Variants in SDK1 observed in about 807,000 individuals in gnomAD.
SDK1 encodes sidekick cell adhesion molecule 1.
Under a neutral mutation model 245.5 loss-of-function variants are expected in SDK1, and 157 were observed. The observed-to-expected ratio is 0.64, with a 90% CI of 0.56 to 0.73. The LOEUF (loss-of-function observed/expected upper bound fraction) is 0.73, where lower values mean the gene tolerates loss of function less well. SDK1 is among the 30% of genes least tolerant of loss of function. SDK1 has a pLI of 0.00. For synonymous variants in SDK1, 1,647 were observed against 1,278.5 expected, an observed-to-expected ratio of 1.29 and a Z score of -6.15; for missense variants, 3,583 against 3,002.3, an observed-to-expected ratio of 1.19 and a Z score of -4.52.
rs554553890 is a variant in SDK1 at position 3,741,751 on chromosome 7, G to C, written c.714-79699G>C. ...GGGATGGACGTACTTGATTGTTTCA[G>C]TTTCACTCCTGTGCAAACCAAAGAA... On this transcript the variant is annotated intron_variant, in intron 4 of 44. Coordinates refer to ENST00000404826, the MANE Select transcript of SDK1 (RefSeq NM_152744.4). Among the ~76,000 whole-genome samples the C allele has an allele frequency of 7.2e-5, 11 of 152,140 alleles. No homozygotes were observed. In the East Asian group the frequency reaches 7.8e-4, roughly 11 times the overall value.
Position 4,033,451 on chromosome 7 carries a change from A to T in SDK1, c.2603-15897A>T, listed in dbSNP as rs150563224. On this transcript the variant is annotated intron_variant, in intron 17 of 44. Coordinates refer to ENST00000404826, the MANE Select transcript of SDK1 (RefSeq NM_152744.4). The stretch of plus-strand genomic sequence containing the variant: ...AAAATCTCGAAGCAATAATGAAAAG[A>T]TTGATGAACTGACTATTTAGAAGCT... Among the ~76,000 whole-genome samples the T allele has an allele frequency of 4.5e-3, 688 of 152,314 alleles. 5 individuals are homozygous for T. Among genetic ancestry groups the T allele is most frequent in the Middle Eastern group, 0.014 (4 of 294 alleles).
At position 3,303,979 on chromosome 7, in the gene SDK1, T is replaced by G. The variant is rs73672077; in HGVS notation, c.298+2095T>G. ...GAGCGCCTCCTAAGTACCATATTATTACATTGTAGCTAGGTGAAGCTATGA... is the reference window on the plus strand; with the variant it reads ...GAGCGCCTCCTAAGTACCATATTATGACATTGTAGCTAGGTGAAGCTATGA... On this transcript the variant is annotated intron_variant, in intron 1 of 44. Coordinates refer to ENST00000404826, the MANE Select transcript of SDK1 (RefSeq NM_152744.4). Among the ~76,000 whole-genome samples, 908 of 152,290 alleles carry G rather than the reference T, an allele frequency of 6.0e-3. 4 individuals are homozygous for G. The highest frequency in any genetic ancestry group is 0.02 in the African/African-American group (836 of 41,564).
intron 4 of SDK1, among the ~76,000 whole-genome samples, chr7:3,706,737 T>C (rs1784902639): frequency 6.6e-6 from 1 of 152,198 alleles, no homozygotes; most frequent in African/African-American, 2.4e-5. Flanking sequence ...TCAGTCTCAC[T>C]GCTTGTTACT....
At chr7:3,561,185 A>G (rs536179862) in intron 1 of SDK1, among the ~76,000 whole-genome samples, 42 of 152,184 alleles carry the variant, frequency 2.8e-4, no homozygotes, top group Admixed American at 1.6e-3. Context: ...CTTCATCCTG[A>G]TCTGTCTCCA....
chr7:3,995,869 A>G (rs1784663122), intron 14 of SDK1, among the ~76,000 whole-genome samples: 1 of 150,470 alleles, frequency 6.6e-6, no homozygotes, highest in Non-Finnish European at 1.5e-5. Context: ...GTTTGCTTTT[A>G]CCATTAATGT....
chr7:3,991,105 G>A (rs1158741724), intron 14 of SDK1, among the ~76,000 whole-genome samples: 3 of 152,218 alleles, frequency 2.0e-5, no homozygotes, highest in Non-Finnish European at 2.9e-5. Flanking sequence ...GGCTAGGTAC[G>A]TACATAGTGA....
intron 1 of SDK1, among the ~76,000 whole-genome samples, chr7:3,472,721 C>G (rs577732702): frequency 6.6e-6 from 1 of 152,182 alleles, no homozygotes; most frequent in Non-Finnish European, 1.5e-5. Context: ...ACCTAGATTA[C>G]TGAATTTGCA....
intron 1 of SDK1, among the ~76,000 whole-genome samples, chr7:3,352,845 T>C (rs1222729100): frequency 2.0e-5 from 3 of 151,932 alleles, no homozygotes; most frequent in Non-Finnish European, 4.4e-5. Flanking sequence ...GGGGAGGAAA[T>C]GAGTTCTGTC....
At chr7:3,734,128 C>G (rs1779257173) in intron 4 of SDK1, among the ~76,000 whole-genome samples, 1 of 152,158 alleles carries the variant, frequency 6.6e-6, no homozygotes, top group South Asian at 2.1e-4. Flanking sequence ...TTCTTCATGG[C>G]AGGTAATTGG....
intron 1 of SDK1, among the ~76,000 whole-genome samples, chr7:3,603,940 C>A (rs1305660884): frequency 1.3e-5 from 2 of 152,136 alleles, no homozygotes; most frequent in African/African-American, 4.8e-5. Context: ...TTGAGATAAT[C>A]ATGTGGTTTT....
intron 5 of SDK1, among the ~76,000 whole-genome samples, chr7:3,904,185 C>A (rs56333541): frequency 2.4e-4 from 36 of 152,152 alleles, no homozygotes; most frequent in Non-Finnish European, 5.0e-4. Context: ...AAGCTAGACA[C>A]AAAGACCCAC....
intron 4 of SDK1, among the ~76,000 whole-genome samples, chr7:3,653,066 G>T (rs138891225): frequency 6.6e-6 from 1 of 152,206 alleles, no homozygotes; most frequent in Non-Finnish European, 1.5e-5. Context: ...CACTTGGAAG[G>T]AATCTGGTGA....
At chr7:3,526,577 T>C (rs184171826) in intron 1 of SDK1, among the ~76,000 whole-genome samples, 3 of 152,364 alleles carry the variant, frequency 2.0e-5, no homozygotes, top group East Asian at 1.9e-4. Flanking sequence ...TTTTTAGTTA[T>C]GTTTTTTCTC....
At chr7:3,540,520 GAA>G (rs1385795031) in intron 1 of SDK1, among the ~76,000 whole-genome samples, 24 of 151,524 alleles carry the variant, frequency 1.6e-4, no homozygotes, top group African/African-American at 5.6e-4. Context: ...ACCAGAGAGA[GAA>G]GTGACTCTGA....
At chr7:3,965,338 G>C (rs924751816) in intron 9 of SDK1, among the ~76,000 whole-genome samples, 3 of 152,024 alleles carry the variant, frequency 2.0e-5, no homozygotes, top group Non-Finnish European at 4.4e-5. Context: ...CATTAAAATG[G>C]AGCTAACCAA....
intron 35 of SDK1, among the ~76,000 whole-genome samples, chr7:4,189,084 T>G (rs1184750517): frequency 2.6e-5 from 4 of 152,226 alleles, no homozygotes; most frequent in African/African-American, 9.6e-5. Flanking sequence ...CCTGGGATTT[T>G]GATGGAAACG....
chr7:3,627,059 C>T (rs886316206), intron 2 of SDK1, among the ~76,000 whole-genome samples: 2 of 152,058 alleles, frequency 1.3e-5, no homozygotes, highest in Non-Finnish European at 2.9e-5. Context: ...TCCCACGTAG[C>T]TAGGGGTACA....
At chr7:3,488,969 CTT>C (rs1781786856) in intron 1 of SDK1, among the ~76,000 whole-genome samples, 1 of 151,892 alleles carries the variant, frequency 6.6e-6, no homozygotes, top group African/African-American at 2.4e-5. Context: ...ATCCACAGCT[CTT>C]TCAATGAGTG....
At chr7:3,467,458 A>T in intron 1 of SDK1, among the ~76,000 whole-genome samples, 1 of 152,076 alleles carries the variant, frequency 6.6e-6, no homozygotes, top group East Asian at 1.9e-4. Flanking sequence ...AAAAAGTAAA[A>T]ATATACCAAT....
Sources: gnomAD v4.1 joint callset for allele counts (sites outside exome capture counted in the v4.1 genomes callset) on GRCh38, gnomAD v4.1.1 for gene constraint, MANE v1.5 for transcripts, NCBI Gene and HGNC (gene_info 2026-07-23, HGNC 2026-07-21) for gene names.